Variants in NREP observed in about 807,000 individuals in gnomAD.
NREP encodes neuronal regeneration-related protein.
A neutral mutation model predicts 8.6 loss-of-function variants in NREP; 5 were observed. The ratio of observed to expected loss-of-function variants is 0.58; its 90% CI spans 0.30 to 1.22. The LOEUF (loss-of-function observed/expected upper bound fraction) is 1.22. NREP is among the 50% of genes most tolerant of loss of function. NREP has a pLI of 0.07. For missense variants in NREP, 86 were observed against 82.5 expected, an observed-to-expected ratio of 1.04 and a Z score of -0.17; for synonymous variants, 27 against 28.0, an observed-to-expected ratio of 0.96 and a Z score of 0.11.
chr5:111,755,802 C>G lies in NREP; in HGVS notation c.-30G>C, dbSNP rs867576943. 6.2e-7 allele frequency: 1 copy of G among 1,613,876 alleles called. No homozygotes were observed. Among genetic ancestry groups the G allele is most frequent in the Middle Eastern group, 1.6e-4 (1 of 6,062 alleles). The stretch of plus-strand genomic sequence containing the variant: ...AGAATCTTAGTCTTGGGCTTCTATT[C>G]TCCCTCTCTTCAGTCCAGGGAGACC... On this transcript the variant is annotated 5_prime_UTR_variant, in exon 2 of 4. Coordinates refer to ENST00000257435, the MANE Select transcript of NREP (RefSeq NM_004772.4).
intron 2 of NREP, among the ~76,000 whole-genome samples, chr5:111,963,899 G>C (rs1012861842): frequency 6.6e-6 from 1 of 152,148 alleles, no homozygotes; most frequent in Non-Finnish European, 1.5e-5. Context: ...GCCTGTGTTG[G>C]TAAGGACTTT....
At chr5:111,949,314 T>C (rs910262481) in intron 2 of NREP, among the ~76,000 whole-genome samples, 3 of 151,672 alleles carry the variant, frequency 2.0e-5, no homozygotes, top group Non-Finnish European at 4.4e-5. Context: ...GGTCAAAAAC[T>C]GCAGTCTAGT....
intron 2 of NREP, among the ~76,000 whole-genome samples, chr5:111,932,232 A>G (rs1348617392): frequency 6.6e-6 from 1 of 152,068 alleles, no homozygotes; most frequent in Non-Finnish European, 1.5e-5. Context: ...CTTTCCTCCA[A>G]TAAAAATACC....
At chr5:111,733,478 T>G (rs892909082) in intron 3 of NREP, 1 of 151,924 alleles carries the variant, frequency 6.6e-6, no homozygotes, top group Non-Finnish European at 1.5e-5. Flanking sequence ...CTGACTGATT[T>G]CAATCCACAC....
intron 2 of NREP, among the ~76,000 whole-genome samples, chr5:111,916,789 T>G (rs2112571925): frequency 6.6e-6 from 1 of 152,172 alleles, no homozygotes; most frequent in Middle Eastern, 3.4e-3. Flanking sequence ...CTGTTAGGGG[T>G]TGTGACAAAT....
At chr5:111,817,295 C>A (rs943504230) in intron 2 of NREP, among the ~76,000 whole-genome samples, 1 of 152,112 alleles carries the variant, frequency 6.6e-6, no homozygotes, top group Non-Finnish European at 1.5e-5. Context: ...CTGGACGGAA[C>A]CTCAGTGCAT....
At position 111,970,973 on chromosome 5, in the gene NREP, A is replaced by G. The variant is rs546448813; in HGVS notation, c.135+4301T>C. Reference sequence around the variant, plus strand: ...ATCAGAATTACCTAGGGAGCTTGTTAAAAATATGAATTCCAAGGCAGCATC... The same window carrying G: ...ATCAGAATTACCTAGGGAGCTTGTTGAAAATATGAATTCCAAGGCAGCATC... On this transcript the variant is annotated intron_variant, in intron 2 of 3. Coordinates refer to the NREP transcript ENST00000395634. Among the ~76,000 whole-genome samples the G allele has an allele frequency of 3.3e-5, 5 of 152,272 alleles. No homozygotes were observed. In the East Asian group the frequency reaches 9.6e-4, roughly 29 times the overall value.
intron 2 of NREP, among the ~76,000 whole-genome samples, chr5:111,860,414 G>A (rs530048563): frequency 8.4e-4 from 128 of 152,182 alleles, no homozygotes; most frequent in Non-Finnish European, 1.4e-3. Context: ...TCATCAGTTA[G>A]TGATGAGACC....
intron 1 of NREP, 75 bp from the exon 2 acceptor site, chr5:111,755,905 G>A: frequency 6.3e-7 from 1 of 1,576,420 alleles, no homozygotes; most frequent in East Asian, 2.3e-5. Context: ...CTCTTTAGAG[G>A]TTACAGACGA....
chr5:111,796,419 A>T (rs992295118), intron 2 of NREP, among the ~76,000 whole-genome samples: 3 of 152,194 alleles, frequency 2.0e-5, no homozygotes, highest in Non-Finnish European at 4.4e-5. Flanking sequence ...TCTGGTGATT[A>T]GAATGTGAAT....
rs145481925 is a variant in NREP at position 111,881,038 on chromosome 5, G to A, written c.135+94236C>T. On this transcript the variant is annotated intron_variant, in intron 2 of 3. Coordinates refer to the NREP transcript ENST00000395634. ...CAGGGCGAGGCATTGCCTCACTCGGGAAGCGTAAGAGATCAGGGAATTCCC... is the reference window on the plus strand; with the variant it reads ...CAGGGCGAGGCATTGCCTCACTCGGAAAGCGTAAGAGATCAGGGAATTCCC... 7.6e-3 allele frequency among the ~76,000 whole-genome samples: 1,153 copies of A among 152,358 alleles called. 23 individuals carry two copies. Among genetic ancestry groups the A allele is most frequent in the African/African-American group, 0.027 (1,109 of 41,594 alleles).
intron 2 of NREP, among the ~76,000 whole-genome samples, chr5:111,944,352 A>G (rs969376178): frequency 6.6e-6 from 1 of 151,874 alleles, no homozygotes; most frequent in Non-Finnish European, 1.5e-5. Context: ...CTGTCACCCA[A>G]GTTAGAGTGC....
At chr5:111,841,681 G>A (rs1753034159) in intron 2 of NREP, among the ~76,000 whole-genome samples, 1 of 152,066 alleles carries the variant, frequency 6.6e-6, no homozygotes, top group Admixed American at 6.6e-5. Context: ...TGAATTATAT[G>A]TAGGGGTTTG....
intron 2 of NREP, chr5:111,948,731 A>C (rs1216244701): frequency 6.6e-6 from 1 of 152,108 alleles, no homozygotes; most frequent in Admixed American, 6.6e-5. Flanking sequence ...GCTCACTGTA[A>C]GTAGATGAAA....
intron 2 of NREP, among the ~76,000 whole-genome samples, chr5:111,860,150 T>G (rs1489653767): frequency 6.6e-6 from 1 of 152,160 alleles, no homozygotes; most frequent in Non-Finnish European, 1.5e-5. Context: ...ACTCAGGGAT[T>G]ATAGCAACAG....
intron 2 of NREP, among the ~76,000 whole-genome samples, chr5:111,916,931 A>C (rs979314504): frequency 2.0e-5 from 3 of 152,108 alleles, no homozygotes; most frequent in Non-Finnish European, 4.4e-5. Flanking sequence ...CAGGGATGGA[A>C]GTTAATTAAA....
chr5:111,929,628 A>G (rs1375548983), intron 2 of NREP, among the ~76,000 whole-genome samples: 8 of 152,222 alleles, frequency 5.3e-5, no homozygotes, highest in African/African-American at 1.7e-4. Context: ...GCAGAATTCT[A>G]TAAGAAATGA....
At chr5:111,816,879 A>G (rs1165107529) in intron 2 of NREP, among the ~76,000 whole-genome samples, 1 of 151,944 alleles carries the variant, frequency 6.6e-6, no homozygotes, top group Non-Finnish European at 1.5e-5. Flanking sequence ...AAAATTTGAA[A>G]GTAAAAGGAT....
chr5:111,774,170 G>A (rs1430147104), intron 2 of NREP, among the ~76,000 whole-genome samples: 1 of 150,112 alleles, frequency 6.7e-6, no homozygotes, highest in Non-Finnish European at 1.5e-5. Context: ...GCTAGATACT[G>A]TAGATGAGAG....
Sources: gnomAD v4.1 joint callset for allele counts (sites outside exome capture counted in the v4.1 genomes callset) on GRCh38, gnomAD v4.1.1 for gene constraint, MANE v1.5 for transcripts, NCBI Gene and HGNC (gene_info 2026-07-23, HGNC 2026-07-21) for gene names.